SLC35F1: variants seen among roughly 807,000 people sequenced by gnomAD.
SLC35F1 encodes chromosome 6 open reading frame 169.
In SLC35F1, 14 loss-of-function variants were observed where a neutral mutation model predicts 48.7. The ratio of observed to expected loss-of-function variants is 0.29; its 90% CI spans 0.19 to 0.45. The LOEUF is 0.45. Ranked by LOEUF, SLC35F1 falls within the 20% of genes least tolerant of loss-of-function variation. SLC35F1 has a pLI of 1.00. For synonymous variants in SLC35F1, 190 were observed against 202.2 expected (o/e 0.94, Z 0.51); for missense variants, 404 against 500.0 (o/e 0.81, Z 1.83).
At chr6:118,238,198 C>G (rs1224788352) in intron 3 of SLC35F1, among the ~76,000 whole-genome samples, 1 of 152,056 alleles carries the variant, frequency 6.6e-6, no homozygotes, top group Admixed American at 6.6e-5. Flanking sequence ...CGTCTCCATC[C>G]CCTACCTAAT....
intron 7 of SLC35F1, among the ~76,000 whole-genome samples, chr6:118,288,394 A>G (rs912535788): frequency 6.6e-6 from 1 of 152,194 alleles, no homozygotes; most frequent in Non-Finnish European, 1.5e-5. Context: ...CAATCAATAT[A>G]TGTAAGATTT....
chr6:117,907,776 C>T lies in SLC35F1; in HGVS notation c.50C>T (p.Ala17Val), dbSNP rs1775709109. The T allele has an allele frequency of 1.3e-6, 2 of 1,561,322 alleles. No individual in the cohort carries two copies. The highest frequency in any genetic ancestry group is 3.5e-5 in the Admixed American group (2 of 56,520). Residue 17 changes from alanine (A) to valine (V), a missense_variant, in exon 1 of 8, where the codon GCC becomes GTC. Physicochemically the swap from Ala to Val is moderately conservative, Grantham distance 64. Around this residue, in one of 2 missense-constraint regions of SLC35F1, gnomAD observed 98 missense variants for 81.0 expected, o/e 1.21. Transcript: ENST00000360388. ...CAGCAGCTGCAGCCGCCGTCGCCAG[C>T]CCCGCCGAACCATGTGGTGACCACC... is the stretch of plus-strand genomic sequence containing the variant. The part of the protein sequence containing the change: ...PQQQLQPPSP[A>V]PPNHVVTTIE...
intron 4 of SLC35F1, among the ~76,000 whole-genome samples, chr6:118,273,566 G>A (rs180999315): frequency 6.6e-6 from 1 of 152,124 alleles, no homozygotes. Flanking sequence ...TCTATTTTAT[G>A]GGTCATTCTT....
At chr6:118,256,117 A>G (rs1775639938) in intron 3 of SLC35F1, among the ~76,000 whole-genome samples, 1 of 152,126 alleles carries the variant, frequency 6.6e-6, no homozygotes, top group African/African-American at 2.4e-5. Flanking sequence ...CCACAAAATT[A>G]AAATGGTTAT....
chr6:118,077,233 C>T lies in SLC35F1; in HGVS notation c.174-77212C>T, dbSNP rs149246369. 1.1e-3 allele frequency among the ~76,000 whole-genome samples: 162 copies of T among 152,214 alleles called. 2 individuals carry two copies. The East Asian group carries it at 0.022, about 20-fold the overall frequency. ...GGGGAAGGAGAGAGCCCAGGTTAGT[C>T]GGGGCTGCTGGGGAGAGGCTCTGCA... On this transcript the variant is annotated intron_variant, in intron 1 of 7. Coordinates refer to ENST00000360388, the MANE Select transcript of SLC35F1 (RefSeq NM_001029858.4).
chr6:118,053,417 G>GA (rs1772418763), intron 1 of SLC35F1, among the ~76,000 whole-genome samples: 1 of 151,726 alleles, frequency 6.6e-6, no homozygotes, highest in Non-Finnish European at 1.5e-5. Context: ...ATCCGTGGAG[G>GA]AAAAAAATCT....
chr6:118,101,376 A>G (rs1773256226), intron 1 of SLC35F1, among the ~76,000 whole-genome samples: 1 of 152,194 alleles, frequency 6.6e-6, no homozygotes, highest in Admixed American at 6.5e-5. Context: ...ATTGAAGGCC[A>G]CAGAACTCTG....
At chr6:118,132,350 TTGTGGCTGTG>T (rs1357221695) in intron 1 of SLC35F1, among the ~76,000 whole-genome samples, 1 of 152,176 alleles carries the variant, frequency 6.6e-6, no homozygotes, top group East Asian at 1.9e-4. Flanking sequence ...GTATGTGTAT[TTGTGGCTGTG>T]TGTGGCTGCA....
At chr6:118,108,979 T>C (rs565330015) in intron 1 of SLC35F1, among the ~76,000 whole-genome samples, 3 of 152,328 alleles carry the variant, frequency 2.0e-5, no homozygotes, top group East Asian at 1.9e-4. Context: ...GGGTAAATTA[T>C]AACAGTTTCT....
intron 1 of SLC35F1, among the ~76,000 whole-genome samples, chr6:118,081,232 T>A (rs1772902389): frequency 6.6e-6 from 1 of 152,168 alleles, no homozygotes; most frequent in Non-Finnish European, 1.5e-5. Context: ...ATAGAGATGT[T>A]AAATGACAGT....
At chr6:117,993,194 G>A (rs939099832) in intron 1 of SLC35F1, among the ~76,000 whole-genome samples, 15 of 152,124 alleles carry the variant, frequency 9.9e-5, no homozygotes, top group Non-Finnish European at 1.8e-4. Flanking sequence ...CTGGGGCATA[G>A]CCAGCATGCA....
intron 2 of SLC35F1, among the ~76,000 whole-genome samples, chr6:118,161,195 T>A (rs1774227094): frequency 6.6e-6 from 1 of 151,742 alleles, no homozygotes; most frequent in Non-Finnish European, 1.5e-5. Context: ...GACCCTAGAG[T>A]CACCTGAAGA....
chr6:118,303,665 C>A (rs1165099605), intron 7 of SLC35F1, among the ~76,000 whole-genome samples: 1 of 152,198 alleles, frequency 6.6e-6, no homozygotes, highest in Admixed American at 6.5e-5. Flanking sequence ...ACTTCGGAAG[C>A]AGTAGACTAC....
chr6:117,954,667 C>T (rs1776406993), intron 1 of SLC35F1, among the ~76,000 whole-genome samples: 1 of 152,156 alleles, frequency 6.6e-6, no homozygotes, highest in Non-Finnish European at 1.5e-5. Flanking sequence ...ATTATTCTCT[C>T]CGCTGGATAT....
chr6:118,145,501 A>T lies in SLC35F1; in HGVS notation c.174-8944A>T, dbSNP rs565923033. On this transcript the variant is annotated intron_variant, in intron 1 of 7. Transcript: ENST00000360388. Reference sequence around the variant, plus strand: ...TAAGTAACACAAAAAAGGTCAATTAAAACTTCTCTTATTTTTAATCTGACC... The same window carrying T: ...TAAGTAACACAAAAAAGGTCAATTATAACTTCTCTTATTTTTAATCTGACC... Among the ~76,000 whole-genome samples the T allele has an allele frequency of 9.2e-5, 14 of 152,340 alleles. No individual in the cohort carries two copies. The South Asian group carries it at 2.9e-3, about 32-fold the overall frequency.
At chr6:118,209,541 GTGGA>G (rs1373589824) in intron 2 of SLC35F1, among the ~76,000 whole-genome samples, 5 of 152,240 alleles carry the variant, frequency 3.3e-5, no homozygotes, top group African/African-American at 1.2e-4. Flanking sequence ...AGTCTAACAA[GTGGA>G]TGTAAGGAAA....
At chr6:118,008,478 A>G (rs1777204307) in intron 1 of SLC35F1, among the ~76,000 whole-genome samples, 1 of 152,218 alleles carries the variant, frequency 6.6e-6, no homozygotes, top group African/African-American at 2.4e-5. Flanking sequence ...GTTTACAAAC[A>G]GTGCAGAAGC....
intron 2 of SLC35F1, among the ~76,000 whole-genome samples, chr6:118,198,666 T>C (rs908511830): frequency 2.0e-5 from 3 of 152,232 alleles, no homozygotes; most frequent in Admixed American, 6.5e-5. Context: ...TTTATTGCTT[T>C]GATGTATTCC....
chr6:118,135,081 C>T (rs1773774217), intron 1 of SLC35F1, among the ~76,000 whole-genome samples: 1 of 152,142 alleles, frequency 6.6e-6, no homozygotes, highest in Admixed American at 6.5e-5. Flanking sequence ...AAAACATCCT[C>T]CTCTTTGTTA....
Sources: gnomAD v4.1 joint callset for allele counts (sites outside exome capture counted in the v4.1 genomes callset) on GRCh38, gnomAD v4.1.1 for gene constraint, gnomAD v4.1.1 regional missense constraint, MANE v1.5 for transcripts, NCBI Gene and HGNC (gene_info 2026-07-23, HGNC 2026-07-21) for gene names.